Variants in SLC25A48 observed in about 807,000 individuals in gnomAD.
SLC25A48 encodes CTC-321K16.1.
In SLC25A48, 29 loss-of-function variants were observed where a neutral mutation model predicts 32.2. The ratio of observed to expected loss-of-function variants is 0.90; its 90% confidence interval spans 0.67 to 1.23. SLC25A48 has a LOEUF of 1.23. Among genes scored for constraint, SLC25A48 ranks in the 50% most tolerant of loss-of-function variants. The probability of loss-of-function intolerance (pLI) is 0.00; values close to 1 mark genes in which losing one functional copy is unlikely to be tolerated. For missense variants in SLC25A48, 399 were observed against 422.7 expected, an observed-to-expected ratio of 0.94 and a Z score of 0.49; for synonymous variants, 164 against 172.3, an observed-to-expected ratio of 0.95 and a Z score of 0.38.
rs1755761923 is a variant in SLC25A48, at chr5:135,751,126, G to C, written c.-520-61397G>C. Among the ~76,000 whole-genome samples, 3 of 152,208 alleles carry C rather than the reference G, an allele frequency of 2.0e-5. No individual in the cohort carries two copies. In the South Asian group the frequency reaches 6.2e-4, roughly 32 times the overall value. ...GGAGAACCACCCAGCCCGTGCACTG[G>C]CTGGTGAACTAGCTAAATGCTGATT... On this transcript the variant is annotated intron_variant, in intron 3 of 10. Coordinates refer to the SLC25A48 transcript ENST00000646290.
At chr5:135,752,165 AG>A (rs1755785626) in intron 3 of SLC25A48, among the ~76,000 whole-genome samples, 1 of 152,252 alleles carries the variant, frequency 6.6e-6, no homozygotes, top group Non-Finnish European at 1.5e-5. Context: ...ACATAAAAAA[AG>A]AACAAATAAA....
intron 1 of SLC25A48, among the ~76,000 whole-genome samples, chr5:135,604,294 C>CA (rs1751878411): frequency 6.6e-6 from 1 of 152,202 alleles, no homozygotes; most frequent in East Asian, 1.9e-4. Flanking sequence ...GTACTTTACC[C>CA]AGCCCAGGGC....
Position 135,672,438 on chromosome 5 carries a change from A to G in SLC25A48, c.-521+37482A>G, listed in dbSNP as rs140715126. ...TCTTACCATTAGTCCATCACCAGAC[A>G]GGTTAAATGGCAGGAAGAGAGTGTC... is the stretch of plus-strand genomic sequence containing the variant. On this transcript the variant is annotated intron_variant, in intron 3 of 10. Transcript: ENST00000646290. 9.8e-5 allele frequency among the ~76,000 whole-genome samples: 15 copies of G among 152,304 alleles called. No individual in the cohort carries two copies. The East Asian group carries it at 2.9e-3, about 29-fold the overall frequency.
intron 7 of SLC25A48, chr5:135,883,591 CTG>C (rs1322182005): frequency 1.3e-5 from 8 of 627,254 alleles, no homozygotes; most frequent in Non-Finnish European, 1.6e-5. Flanking sequence ...AGGAGAGAAA[CTG>C]AGCCGGGGCA....
At position 135,586,998 on chromosome 5, in the gene SLC25A48, C is replaced by T. The variant is rs146710097; in HGVS notation, c.-849+7401C>T. Among the ~76,000 whole-genome samples, 1,434 of 152,230 alleles carry T rather than the reference C, an allele frequency of 9.4e-3. 15 individuals carry two copies. The highest frequency in any genetic ancestry group is 0.033 in the African/African-American group (1,365 of 41,532). ...AGAGAAACCTTGGTTCAGGGAAGTT[C>T]TTGCCCAAAGGTCAGGGCATTGTAT... On this transcript the variant is annotated intron_variant, in intron 1 of 10. Coordinates refer to the SLC25A48 transcript ENST00000646290.
At chr5:135,742,671 A>G in intron 3 of SLC25A48, 1 of 545,200 alleles carries the variant, frequency 1.8e-6, no homozygotes, top group South Asian at 2.4e-5. Flanking sequence ...AGGAAGAGCT[A>G]AGTCCTAGTC....
At chr5:135,715,192 G>A (rs1024982870) in intron 3 of SLC25A48, among the ~76,000 whole-genome samples, 4 of 152,208 alleles carry the variant, frequency 2.6e-5, no homozygotes, top group African/African-American at 9.7e-5. Context: ...AACAGCAGAG[G>A]TGCAATGGAT....
In SLC25A48 at chr5:135,772,839, C is replaced by T. The variant is rs79949882; in HGVS notation, c.-520-39684C>T. Among the ~76,000 whole-genome samples, 1,476 of 150,552 alleles carry T rather than the reference C, an allele frequency of 9.8e-3. 32 individuals carry two copies. The highest frequency in any genetic ancestry group is 0.034 in the African/African-American group (1,389 of 41,062). On this transcript the variant is annotated intron_variant, in intron 3 of 10. Transcript: ENST00000646290. ...CCCTCTGTGATATTGTTCAGAATAACGAAGAAAAAAGAGGATAATATTACT... is the reference window on the plus strand; with the variant it reads ...CCCTCTGTGATATTGTTCAGAATAATGAAGAAAAAAGAGGATAATATTACT...
At chr5:135,714,395 C>G (rs1754746848) in intron 3 of SLC25A48, among the ~76,000 whole-genome samples, 2 of 152,326 alleles carry the variant, frequency 1.3e-5, no homozygotes, top group Admixed American at 1.3e-4. Flanking sequence ...ATGCAGTGCC[C>G]TCTCTGCCCT....
chr5:135,852,479 T>C, intron 3 of SLC25A48, 84 bp from the exon 4 acceptor site: 1 of 1,490,944 alleles, frequency 6.7e-7, no homozygotes, highest in Non-Finnish European at 9.1e-7. Flanking sequence ...GGCAGATGTG[T>C]CCGGTGGTGT....
At chr5:135,814,729 A>G (rs1017899749) in intron 4 of SLC25A48, among the ~76,000 whole-genome samples, 5 of 152,220 alleles carry the variant, frequency 3.3e-5, no homozygotes, top group African/African-American at 1.2e-4. Context: ...TGACAGTTAC[A>G]TGTGAGAGTA....
At chr5:135,759,370 T>C (rs1387809276) in intron 3 of SLC25A48, among the ~76,000 whole-genome samples, 1 of 152,178 alleles carries the variant, frequency 6.6e-6, no homozygotes, top group Non-Finnish European at 1.5e-5. Context: ...TGTACCATTA[T>C]TTATTTGACC....
intron 3 of SLC25A48, among the ~76,000 whole-genome samples, chr5:135,706,808 C>T (rs1305708998): frequency 3.9e-5 from 6 of 152,198 alleles, no homozygotes; most frequent in Non-Finnish European, 1.5e-5. Flanking sequence ...CAGGTCATGA[C>T]ACATGTCACG....
intron 3 of SLC25A48, chr5:135,746,484 C>G (rs996992315): frequency 4.3e-6 from 1 of 233,462 alleles, no homozygotes. Context: ...TTTGTGGTCA[C>G]CGGAACTGCT....
intron 3 of SLC25A48, among the ~76,000 whole-genome samples, chr5:135,851,109 C>G (rs932396584): frequency 1.3e-5 from 2 of 152,282 alleles, no homozygotes; most frequent in Admixed American, 1.3e-4. Context: ...AAGAAACCAT[C>G]AGGTGGAACC....
chr5:135,735,882 C>A (rs1755348992), intron 3 of SLC25A48, among the ~76,000 whole-genome samples: 1 of 152,092 alleles, frequency 6.6e-6, no homozygotes, highest in Non-Finnish European at 1.5e-5. Context: ...GCACATGTAC[C>A]CTGACTGTGC....
intron 3 of SLC25A48, among the ~76,000 whole-genome samples, chr5:135,732,027 A>G (rs1216253898): frequency 1.3e-5 from 2 of 152,256 alleles, no homozygotes; most frequent in African/African-American, 4.8e-5. Context: ...CTGGGGCCTA[A>G]TAAAAAGGAG....
At chr5:135,747,281 AT>A (rs1424682268) in intron 3 of SLC25A48, among the ~76,000 whole-genome samples, 1 of 151,030 alleles carries the variant, frequency 6.6e-6, no homozygotes, top group Admixed American at 6.6e-5. Flanking sequence ...ATATATCTAT[AT>A]ATCAGTTATA....
chr5:135,795,700 C>T (rs10069265), intron 3 of SLC25A48, among the ~76,000 whole-genome samples: 99,123 of 151,138 alleles, frequency 0.66, 34,477 homozygotes, highest in Non-Finnish European at 0.78. Flanking sequence ...CTCCCCATAA[C>T]GCGGGAAGTC....
Sources: gnomAD v4.1 joint callset for allele counts (sites outside exome capture counted in the v4.1 genomes callset) on GRCh38, gnomAD v4.1.1 for gene constraint, MANE v1.5 for transcripts, NCBI Gene and HGNC (gene_info 2026-07-23, HGNC 2026-07-21) for gene names.